COL4A4: variants seen among roughly 807,000 people sequenced by gnomAD.
COL4A4 encodes collagen type IV alpha 4 chain.
Under a neutral mutation model 192.9 loss-of-function variants are expected in COL4A4, and 105 were observed. That is an observed-to-expected ratio of 0.54 (90% CI 0.46 to 0.64). COL4A4 has a LOEUF of 0.64. COL4A4 is among the 30% of genes least tolerant of loss of function. The pLI is 0.00. For synonymous variants in COL4A4, 762 were observed against 769.9 expected (o/e 0.99, Z 0.17); for missense variants, 1,967 against 2,169.3 (o/e 0.91, Z 1.85).
At position 227,007,353 on chromosome 2, in the gene COL4A4, C is replaced by T. The variant is rs368404711; in HGVS notation, c.5045G>A (p.Arg1682Gln). ...ESQAQRQKISRCQVCVKYS is the reference protein window; with the variant it reads ...ESQAQRQKISQCQVCVKYS ...GCTATACTTCACGCAGACCTGGCAC[C>T]GGCTGATTTTCTGGCGTTGGGCCTG... The change falls in exon 48 of 48, where the codon CGG becomes CAG. Residue 1682 changes from arginine to glutamine, a missense_variant. Coordinates refer to ENST00000396625, the MANE Select transcript of COL4A4 (RefSeq NM_000092.5). 7.2e-5 allele frequency: 117 copies of T among 1,614,058 alleles called. No homozygotes were observed. Among genetic ancestry groups the T allele is most frequent in the African/African-American group, 9.3e-5 (7 of 74,910 alleles).
At chr2:227,140,275 T>TCATC (rs1263556678) in intron 3 of COL4A4, 37 bp from the exon 4 acceptor site, 1 of 1,569,456 alleles carries the variant, frequency 6.4e-7, no homozygotes, top group East Asian at 2.2e-5. Context: ...ATACCAGTAC[T>TCATC]CATCGTTTAA....
chr2:227,102,540 C>T (rs746089312), intron 15 of COL4A4, among the ~76,000 whole-genome samples: 2 of 152,208 alleles, frequency 1.3e-5, no homozygotes, highest in Non-Finnish European at 2.9e-5. Context: ...AGGTGCCAGA[C>T]AAGAGATGGC....
At chr2:227,082,078 T>C (rs762954202) in intron 23 of COL4A4, 37 bp downstream of exon 23, 5 of 1,564,234 alleles carry the variant, frequency 3.2e-6, no homozygotes, top group Admixed American at 1.7e-5. Context: ...ACATCATTCA[T>C]AAAATGGCAG....
chr2:226,981,544 A>G, the COL4A4 span, among the ~76,000 whole-genome samples: 4 of 146,350 alleles, frequency 2.7e-5, no homozygotes, highest in Non-Finnish European at 5.9e-5. Flanking sequence ...ACACACATCC[A>G]TGCACTCATC....
intron 4 of COL4A4, among the ~76,000 whole-genome samples, chr2:227,139,791 G>A (rs545669805): frequency 6.6e-6 from 1 of 152,278 alleles, no homozygotes; most frequent in African/African-American, 2.4e-5. Flanking sequence ...TCAACTGTCT[G>A]GAAAGACCAA....
chr2:227,002,560 A>G (rs907354917), downstream of COL4A4, among the ~76,000 whole-genome samples: 2 of 151,978 alleles, frequency 1.3e-5, no homozygotes, highest in African/African-American at 4.8e-5. Context: ...AGTGTTTCCA[A>G]GAGCCTCTGA....
At chr2:227,032,746 G>T (rs191401057) in intron 38 of COL4A4, among the ~76,000 whole-genome samples, 2 of 152,214 alleles carry the variant, frequency 1.3e-5, no homozygotes, top group Non-Finnish European at 2.9e-5. Flanking sequence ...TATATTACTG[G>T]ATCTTCCAAA....
chr2:227,156,291 TG>T (rs1264839857), intron 1 of COL4A4, among the ~76,000 whole-genome samples: 1 of 150,570 alleles, frequency 6.6e-6, no homozygotes, highest in Non-Finnish European at 1.5e-5. Flanking sequence ...CTCAGCTACG[TG>T]GGAGGCTGAG....
At chr2:226,992,276 G>A in the COL4A4 span, among the ~76,000 whole-genome samples, 1 of 152,162 alleles carries the variant, frequency 6.6e-6, no homozygotes, top group Non-Finnish European at 1.5e-5. Flanking sequence ...GTCGGTGTAG[G>A]TTAGGGGCTG....
chr2:226,996,860 T>C, the COL4A4 span: 1 of 152,182 alleles, frequency 6.6e-6, no homozygotes, highest in East Asian at 1.9e-4. Flanking sequence ...TAAAAATAAA[T>C]ACTATGTGTC....
chr2:227,111,547 GGGAACCCACATTTTCATTT>G (rs1235562479), intron 9 of COL4A4, 112 bp downstream of exon 9: 1 of 967,444 alleles, frequency 1.0e-6, no homozygotes, highest in Non-Finnish European at 1.7e-6. Flanking sequence ...TTTTTGAACA[GGGAACCCACATTTTCATTT>G]TGCACTAGGT....
At chr2:226,990,330 C>G in the COL4A4 span, among the ~76,000 whole-genome samples, 2 of 152,176 alleles carry the variant, frequency 1.3e-5, no homozygotes, top group African/African-American at 4.8e-5. Flanking sequence ...GGGTCGCATG[C>G]TGCTGCCCTC....
At chr2:226,988,641 T>C in the COL4A4 span, 1 of 1,325,660 alleles carries the variant, frequency 7.5e-7, no homozygotes, top group Non-Finnish European at 9.6e-7. Flanking sequence ...CCCTGGAGCT[T>C]CTGAGAGGAA....
chr2:226,993,696 A>G, the COL4A4 span, among the ~76,000 whole-genome samples: 1 of 152,194 alleles, frequency 6.6e-6, no homozygotes, highest in Non-Finnish European at 1.5e-5. Flanking sequence ...AGAATCAGTT[A>G]TGGGGAAGCA....
At chr2:227,098,902 C>T in intron 18 of COL4A4, 104 bp from the exon 19 acceptor site, 2 of 946,220 alleles carry the variant, frequency 2.1e-6, no homozygotes, top group Non-Finnish European at 3.3e-6. Flanking sequence ...AATTAGGAGA[C>T]ATTTTTGCAG....
chr2:227,066,158 T>C (rs1288685807), intron 25 of COL4A4, among the ~76,000 whole-genome samples: 1 of 151,438 alleles, frequency 6.6e-6, no homozygotes, highest in Non-Finnish European at 1.5e-5. Context: ...AGAAGGGAAG[T>C]TTAGAGAAAA....
chr2:227,160,561 AC>A (rs1341646022), intron 1 of COL4A4, among the ~76,000 whole-genome samples: 1 of 152,056 alleles, frequency 6.6e-6, no homozygotes, highest in African/African-American at 2.4e-5. Context: ...CCCCATTCCC[AC>A]CTCCCCATGT....
intron 3 of COL4A4, among the ~76,000 whole-genome samples, chr2:227,140,992 C>T (rs1276316154): frequency 2.0e-5 from 3 of 151,644 alleles, no homozygotes; most frequent in African/African-American, 7.3e-5. Context: ...TCATCCACTT[C>T]CATATAAAAG....
intron 2 of COL4A4, among the ~76,000 whole-genome samples, chr2:227,145,875 T>C (rs1160950028): frequency 1.3e-5 from 2 of 152,206 alleles, no homozygotes; most frequent in Non-Finnish European, 1.5e-5. Context: ...ACAAGCCAGG[T>C]TGGCTTTTCA....
Sources: gnomAD v4.1 joint callset for allele counts (sites outside exome capture counted in the v4.1 genomes callset) on GRCh38, gnomAD v4.1.1 for gene constraint, MANE v1.5 for transcripts, NCBI Gene and HGNC (gene_info 2026-07-23, HGNC 2026-07-21) for gene names.